The following DPY30 variants were observed in gnomAD, a reference collection of about 807,000 sequenced individuals.
DPY30 encodes the protein dpy-30 histone methyltransferase complex regulatory subunit.
Under a neutral mutation model 16.2 loss-of-function variants are expected in DPY30, and 6 were observed. That is an observed-to-expected ratio of 0.37 (90% confidence interval 0.20 to 0.73). The LOEUF (loss-of-function observed/expected upper bound fraction) is 0.73, where lower values mean the gene tolerates loss of function less well. Ranked by LOEUF, DPY30 falls within the 30% of genes least tolerant of loss-of-function variation. The pLI is 0.51. For missense variants in DPY30, 73 were observed against 113.1 expected (o/e 0.65, Z 1.61); for synonymous variants, 39 against 38.8 (o/e 1.00, Z -0.02).
At chr2:32,019,620 G>C (rs1375807186), downstream of DPY30, among the ~76,000 whole-genome samples, 1 of 150,492 alleles carries the variant, frequency 6.6e-6, no homozygotes, top group African/African-American at 2.4e-5. Context: ...TCAGGAGTTT[G>C]AGACCAGCCT....
At chr2:32,017,771 C>T (rs1675092293) in intron 5 of DPY30, among the ~76,000 whole-genome samples, 1 of 152,098 alleles carries the variant, frequency 6.6e-6, no homozygotes, top group Admixed American at 6.5e-5. Flanking sequence ...TTACATAAGC[C>T]AAAGAAATAC....
Position 32,039,489 on chromosome 2 carries a change from C to G in DPY30, c.-33G>C, listed in dbSNP as rs757791847. 11 of 1,613,874 alleles carry G rather than the reference C, an allele frequency of 6.8e-6. No individual in the cohort carries two copies. Among genetic ancestry groups the G allele is most frequent in the Non-Finnish European group, 9.3e-6 (11 of 1,180,020 alleles). ...CCTGCAAGTCACAGTCCCCGGATAC[C>G]AGTCTTGGAAAACAAGAAGAGCCGC... On this transcript the variant is annotated 5_prime_UTR_variant, in exon 2 of 5. Coordinates refer to ENST00000342166, the MANE Select transcript of DPY30 (RefSeq NM_001321209.2).
chr2:32,037,078 G>A (rs1226088405), intron 3 of DPY30, among the ~76,000 whole-genome samples: 2 of 152,156 alleles, frequency 1.3e-5, no homozygotes, highest in African/African-American at 2.4e-5. Context: ...CTAAAAACAA[G>A]GGCAAAATAA....
chr2:32,031,307 C>T (rs879421104), intron 3 of DPY30, among the ~76,000 whole-genome samples: 2 of 151,752 alleles, frequency 1.3e-5, no homozygotes, highest in Admixed American at 6.6e-5. Context: ...GTACTCCCAG[C>T]TACTCGGGAG....
chr2:32,012,400 C>CA (rs1367993804), intron 5 of DPY30, among the ~76,000 whole-genome samples: 2 of 143,658 alleles, frequency 1.4e-5, no homozygotes, highest in Non-Finnish European at 3.0e-5. Context: ...ACCATGTATC[C>CA]AAAACCTCTC....
intron 3 of DPY30, among the ~76,000 whole-genome samples, chr2:32,031,261 A>G (rs958581414): frequency 3.3e-5 from 5 of 151,886 alleles, no homozygotes; most frequent in African/African-American, 1.2e-4. Context: ...CTCTACTAAT[A>G]ATACAAAAAT....
chr2:32,033,640 C>G (rs1201404945), intron 3 of DPY30, among the ~76,000 whole-genome samples: 3 of 152,242 alleles, frequency 2.0e-5, no homozygotes, highest in Non-Finnish European at 2.9e-5. Flanking sequence ...CCACAGCACT[C>G]CAGCCCAGCA....
intron 3 of DPY30, among the ~76,000 whole-genome samples, chr2:32,034,676 G>A (rs1399869138): frequency 6.6e-6 from 1 of 152,142 alleles, no homozygotes; most frequent in Non-Finnish European, 1.5e-5. Flanking sequence ...GCTGGAAACA[G>A]TTTGTGTTCC....
chr2:32,018,100 A>G (rs568346663), intron 5 of DPY30, among the ~76,000 whole-genome samples: 1 of 152,302 alleles, frequency 6.6e-6, no homozygotes, highest in South Asian at 2.1e-4. Flanking sequence ...CACCCAATCT[A>G]TAGTATTTTG....
intron 3 of DPY30, among the ~76,000 whole-genome samples, chr2:32,037,025 G>A (rs963832619): frequency 2.0e-5 from 3 of 152,160 alleles, no homozygotes; most frequent in Non-Finnish European, 2.9e-5. Flanking sequence ...AACAATGTCC[G>A]CCAGAAGACT....
chr2:32,035,547 G>A (rs1398334893), intron 3 of DPY30, among the ~76,000 whole-genome samples: 9 of 150,520 alleles, frequency 6.0e-5, no homozygotes, highest in Non-Finnish European at 8.8e-5. Context: ...CCAAGATCGC[G>A]CCACTGCACA....
rs548980967 is a variant in DPY30, at chr2:32,013,825, G to A, written n.378-1773C>T. Among the ~76,000 whole-genome samples the A allele has an allele frequency of 2.9e-3, 443 of 151,674 alleles. 6 individuals carry two copies. Among genetic ancestry groups the A allele is most frequent in the Non-Finnish European group, 5.7e-3 (388 of 67,846 alleles). On this transcript the variant is annotated intron_variant and non_coding_transcript_variant, in intron 5 of 5. Coordinates refer to the DPY30 transcript ENST00000414013. ...GAGTTTGAGACCAGCCTGGCCAAAA[G>A]GGCAAAACCCCATCTCCACTAAAAA... is the stretch of plus-strand genomic sequence containing the variant.
chr2:32,021,754 C>T (rs1051606790), downstream of DPY30, among the ~76,000 whole-genome samples: 2 of 151,294 alleles, frequency 1.3e-5, no homozygotes, highest in South Asian at 2.1e-4. Flanking sequence ...TTTAGAGGCC[C>T]GTTAACACAT....
At chr2:32,029,763 G>A in intron 3 of DPY30, 27 bp from the exon 4 acceptor site, 4 of 1,610,722 alleles carry the variant, frequency 2.5e-6, no homozygotes, top group Non-Finnish European at 3.4e-6. Context: ...AACAGTGCAT[G>A]AACATTTCAA....
chr2:32,013,257 A>C (rs910516220), intron 5 of DPY30: 1 of 152,232 alleles, frequency 6.6e-6, no homozygotes, highest in Non-Finnish European at 1.5e-5. Flanking sequence ...CGTAAGTCTC[A>C]TTCCAAACTA....
chr2:32,018,496 G>A (rs1413752068), intron 5 of DPY30, among the ~76,000 whole-genome samples: 1 of 152,202 alleles, frequency 6.6e-6, no homozygotes, highest in Admixed American at 6.5e-5. Flanking sequence ...GAGAGGCTTA[G>A]GCAGGTGGAT....
At chr2:32,016,769 AAT>A (rs1251306368) in intron 5 of DPY30, among the ~76,000 whole-genome samples, 1 of 152,158 alleles carries the variant, frequency 6.6e-6, no homozygotes, top group Non-Finnish European at 1.5e-5. Flanking sequence ...GGTTTTACTC[AAT>A]CTTTGTATTT....
intron 3 of DPY30, among the ~76,000 whole-genome samples, 183 bp from the exon 4 acceptor site, chr2:32,029,919 GCT>G (rs971463042): frequency 2.0e-5 from 3 of 151,940 alleles, no homozygotes; most frequent in African/African-American, 7.3e-5. Context: ...TCTCATTCAA[GCT>G]CTCTCTCTCC....
chr2:32,036,257 C>G (rs913060645), intron 3 of DPY30, among the ~76,000 whole-genome samples: 1 of 152,030 alleles, frequency 6.6e-6, no homozygotes, highest in Non-Finnish European at 1.5e-5. Context: ...GGATTACAGG[C>G]ATGAGTCACG....
Sources: allele counts gnomAD v4.1 joint callset (sites outside exome capture counted in the v4.1 genomes callset), GRCh38; gene constraint gnomAD v4.1.1; transcripts MANE v1.5; gene names NCBI Gene and HGNC (gene_info 2026-07-23, HGNC 2026-07-21).